THAP9: variants seen among roughly 807,000 people sequenced by gnomAD.
THAP9 encodes the protein DNA transposase THAP9.
Under a neutral mutation model 35.7 loss-of-function variants are expected in THAP9, and 20 were observed. The ratio of observed to expected loss-of-function variants is 0.56; its 90% CI spans 0.39 to 0.81. The LOEUF is 0.81. THAP9 is among the 40% of genes least tolerant of loss of function. The pLI is 0.00. For missense variants in THAP9, 870 were observed against 1,047.4 expected, an observed-to-expected ratio of 0.83 and a Z score of 2.34; for synonymous variants, 335 against 373.7, an observed-to-expected ratio of 0.90 and a Z score of 1.19.
At chr4:82,904,321 CA>C (rs935153734) in intron 1 of THAP9, among the ~76,000 whole-genome samples, 4 of 152,176 alleles carry the variant, frequency 2.6e-5, no homozygotes, top group Admixed American at 2.6e-4. Flanking sequence ...CTCAGCCTCC[CA>C]AAGTGCTGGG....
chr4:82,909,258 A>C lies in THAP9; in HGVS notation c.731+1323A>C, dbSNP rs564705357. On this transcript the variant is annotated intron_variant, in intron 4 of 4. Transcript: ENST00000302236. The stretch of plus-strand genomic sequence containing the variant: ...TTCCTCTATACACACTATTACAATA[A>C]TACTACCAATAAAAGATTTAAAAAT... Among the ~76,000 whole-genome samples, 11 of 152,298 alleles carry C rather than the reference A, an allele frequency of 7.2e-5. No homozygotes were observed. In the South Asian group the frequency reaches 2.3e-3, roughly 32 times the overall value.
At chr4:82,906,298 A>G in intron 2 of THAP9, 26 bp from the exon 3 acceptor site, 1 of 1,509,150 alleles carries the variant, frequency 6.6e-7, no homozygotes, top group Non-Finnish European at 8.9e-7. Context: ...TTCTAAAATA[A>G]CTTTAATTTT....
chr4:82,914,457 C>T (rs557507156), intron 4 of THAP9, among the ~76,000 whole-genome samples: 2 of 152,304 alleles, frequency 1.3e-5, no homozygotes, highest in Admixed American at 6.5e-5. Flanking sequence ...AGTAAGTTTT[C>T]CCATTTCTCC....
At chr4:82,915,239 ATTGTTTTGTTTTGTT>A (rs6148550) in intron 4 of THAP9, among the ~76,000 whole-genome samples, 80,970 of 151,332 alleles carry the variant, frequency 0.54, 23,615 homozygotes, top group East Asian at 0.78. Flanking sequence ...TAAGTATGTT[ATTGTTTTGTTTTGTT>A]TTGTTTTGTT....
At chr4:82,914,541 A>G (rs1720977288) in intron 4 of THAP9, among the ~76,000 whole-genome samples, 1 of 152,082 alleles carries the variant, frequency 6.6e-6, no homozygotes, top group African/African-American at 2.4e-5. Flanking sequence ...ATAGTATCTC[A>G]TTGCGGTTTT....
At chr4:82,901,990 A>G (rs1429869882) in intron 1 of THAP9, among the ~76,000 whole-genome samples, 3 of 152,138 alleles carry the variant, frequency 2.0e-5, no homozygotes, top group African/African-American at 7.2e-5. Flanking sequence ...ACTTTATAGC[A>G]TATGTAACGC....
intron 2 of THAP9, chr4:82,906,074 A>G (rs1720634848): frequency 2.4e-6 from 1 of 423,372 alleles, no homozygotes. Context: ...GTTTACTACC[A>G]CCTTTCTCTA....
chr4:82,902,504 T>A (rs1720465948), intron 1 of THAP9, among the ~76,000 whole-genome samples: 1 of 152,162 alleles, frequency 6.6e-6, no homozygotes, highest in South Asian at 2.1e-4. Context: ...TCAACAGCTG[T>A]ACTCACTAGG....
chr4:82,901,028 C>T (rs566064206), intron 1 of THAP9, 146 bp downstream of exon 1: 1 of 949,704 alleles, frequency 1.1e-6, no homozygotes, highest in Non-Finnish European at 1.7e-6. Context: ...GGCGTGGGAG[C>T]GGAATTGGGG....
At chr4:82,915,094 G>A (rs1720993313) in intron 4 of THAP9, among the ~76,000 whole-genome samples, 1 of 152,122 alleles carries the variant, frequency 6.6e-6, no homozygotes, top group Admixed American at 6.5e-5. Flanking sequence ...TGTCAGCTTT[G>A]TCGAAGATCA....
chr4:82,909,303 C>T (rs1264215207), intron 4 of THAP9, among the ~76,000 whole-genome samples: 1 of 152,112 alleles, frequency 6.6e-6, no homozygotes, highest in Non-Finnish European at 1.5e-5. Context: ...TCAGAGTGGG[C>T]TGCTCTTCTA....
Position 82,907,723 on chromosome 4 carries a change from T to C in THAP9, c.581-62T>C, listed in dbSNP as rs534086102. 2.6e-5 allele frequency: 33 copies of C among 1,263,580 alleles called. No individual in the cohort carries two copies. In the Admixed American group the frequency reaches 3.5e-4, roughly 13 times the overall value. The allele number at this position is 1,263,580 out of a possible 1,614,324, so 78.3% of individuals were successfully genotyped here. Reference sequence around the variant, plus strand: ...CCCAGTGCATTTTATATCCAAATGCTATAATCTGTACCTGAAAATTTTACT... The same window carrying C: ...CCCAGTGCATTTTATATCCAAATGCCATAATCTGTACCTGAAAATTTTACT... On this transcript the variant is annotated intron_variant, in intron 3 of 4. Coordinates refer to ENST00000302236, the MANE Select transcript of THAP9 (RefSeq NM_024672.6).
chr4:82,918,840 A>G lies in THAP9; in HGVS notation c.2628A>G (p.Val876=). 1 of 1,613,716 alleles carries G rather than the reference A, an allele frequency of 6.2e-7. No individual in the cohort carries two copies. The highest frequency in any genetic ancestry group is 8.5e-7 in the Non-Finnish European group (1 of 1,179,794). Residue 876 remains valine (V), a synonymous_variant, in exon 5 of 5, where the codon GTA becomes GTG. Transcript: ENST00000302236. ...KTLSRKHWSS[V]QDYKCSSFAN... Reference sequence around the variant, plus strand: ...TATCAAGGAAACACTGGTCATCTGTACAGGATTATAAATGTTCAAGTTTTG... The same window carrying G: ...TATCAAGGAAACACTGGTCATCTGTGCAGGATTATAAATGTTCAAGTTTTG...
In THAP9 at chr4:82,918,804, T is replaced by TA. The variant is rs1217655621; in HGVS notation, c.2593dup (p.Met865AsnfsTer16). ...TAAAACATCATTCAGAGAGAACTGA[T>TA]ATGAAAACTTTATCAAGGAAACACT... On this transcript the variant is annotated frameshift_variant, in exon 5 of 5. Coordinates refer to ENST00000302236, the MANE Select transcript of THAP9 (RefSeq NM_024672.6). LOFTEE classifies it high-confidence loss of function. 1.9e-6 allele frequency: 3 copies of TA among 1,613,692 alleles called. No individual in the cohort carries two copies. The highest frequency in any genetic ancestry group is 2.5e-6 in the Non-Finnish European group (3 of 1,179,890).
chr4:82,905,583 C>T (rs1337292592), intron 2 of THAP9, among the ~76,000 whole-genome samples: 6 of 152,122 alleles, frequency 3.9e-5, no homozygotes, highest in Non-Finnish European at 7.4e-5. Flanking sequence ...TTCCCCTATT[C>T]GGAAGTATTT....
rs1720718030 is a variant in THAP9, at chr4:82,907,927, C to T, written c.723C>T (p.Ile241=). The T allele has an allele frequency of 3.7e-6, 6 of 1,607,200 alleles. No homozygotes were observed. Among genetic ancestry groups the T allele is most frequent in the Non-Finnish European group, 5.1e-6 (6 of 1,178,222 alleles). Residue 241 remains isoleucine, a synonymous_variant, in exon 4 of 5, where the codon ATC becomes ATT. Coordinates refer to ENST00000302236, the MANE Select transcript of THAP9 (RefSeq NM_024672.6). ...RKILKLPHSS[I]LRTWLSKCQP... ...TTCTTAAGCTGCCTCATTCTTCCAT[C>T]CTCAGAACGTAAGTGAATTATTTTT...
intron 4 of THAP9, among the ~76,000 whole-genome samples, chr4:82,915,299 C>T (rs1721001315): frequency 6.6e-6 from 1 of 152,018 alleles, no homozygotes; most frequent in Non-Finnish European, 1.5e-5. Context: ...CCTCATCGCC[C>T]AGGCTGGAGT....
At chr4:82,913,781 G>C (rs939955724) in intron 4 of THAP9, among the ~76,000 whole-genome samples, 2 of 151,482 alleles carry the variant, frequency 1.3e-5, no homozygotes, top group Admixed American at 1.3e-4. Flanking sequence ...CCATACTGGA[G>C]TGTAGAATGT....
chr4:82,917,803 C>T lies in THAP9; in HGVS notation c.1591C>T (p.Leu531Phe). ...FNSRNCYGKGLKGPLLPETYS... is the reference protein window; with the variant it reads ...FNSRNCYGKGFKGPLLPETYS... ...TAGTAGGAACTGTTATGGAAAGGGA[C>T]TTAAAGGGCCTCTGTTGCCTGAAAC... The change falls in exon 5 of 5, where the codon CTT (leucine) becomes TTT (phenylalanine). Residue 531 changes from leucine to phenylalanine, a missense_variant. Physicochemically the swap from Leu to Phe is conservative, Grantham distance 22. Transcript: ENST00000302236. The T allele has an allele frequency of 6.2e-7, 1 of 1,613,822 alleles. No homozygotes were observed. Among genetic ancestry groups the T allele is most frequent in the Non-Finnish European group, 8.5e-7 (1 of 1,179,956 alleles).
Sources: allele counts gnomAD v4.1 joint callset (sites outside exome capture counted in the v4.1 genomes callset), GRCh38; gene constraint gnomAD v4.1.1; transcripts MANE v1.5; gene names NCBI Gene and HGNC (gene_info 2026-07-23, HGNC 2026-07-21).